The following HEPH variants were observed in gnomAD, a reference collection of about 807,000 sequenced individuals.
HEPH encodes the protein hephaestin.
HEPH carries 69 observed loss-of-function variants against 80.8 expected under a neutral mutation model. The observed-to-expected ratio is 0.85, with a 90% CI of 0.70 to 1.04. The LOEUF is 1.04. HEPH is among the 50% of genes least tolerant of loss of function. The pLI, the probability that HEPH is intolerant of heterozygous loss-of-function variation, is 0.00. For synonymous variants in HEPH, 431 were observed against 322.8 expected, an observed-to-expected ratio of 1.34 and a Z score of -3.60; for missense variants, 1,115 against 891.3, an observed-to-expected ratio of 1.25 and a Z score of -3.20.
At chrX:66,194,209 A>G (rs374914488) in intron 8 of HEPH, among the ~76,000 whole-genome samples, 1 of 111,803 alleles carries the variant, frequency 8.9e-6, no homozygotes, top group South Asian at 3.8e-4. Flanking sequence ...GGAAATTAAT[A>G]TAATGGACCA....
At position 66,203,361 on chromosome X, in the gene HEPH, C is replaced by T. The variant is rs147730802; in HGVS notation, c.2078-3C>T. The T allele has an allele frequency of 5.0e-6, 6 of 1,208,152 alleles. No individual in the cohort carries two copies. In the African/African-American group the frequency reaches 1.0e-4, roughly 21 times the overall value. Reference sequence around the variant, plus strand: ...CAGATTTTTCTCTCTGATCCTCCCTCAGGGACATTTGAGATTTATTGCCAG... The same window carrying T: ...CAGATTTTTCTCTCTGATCCTCCCTTAGGGACATTTGAGATTTATTGCCAG... On this transcript the variant is annotated splice_region_variant and splice_polypyrimidine_tract_variant and intron_variant, in intron 12 of 20. Coordinates refer to ENST00000343002, the MANE Select transcript of HEPH (RefSeq NM_001367233.3).
intron 20 of HEPH, 23 bp from the exon 21 acceptor site, chrX:66,266,417 C>T: frequency 1.8e-6 from 2 of 1,128,906 alleles, no homozygotes; most frequent in Non-Finnish European, 1.2e-6. Flanking sequence ...CCAGGATGCC[C>T]ATTTTTTTTT....
chrX:66,182,074 C>T (rs1321996703), intron 4 of HEPH, among the ~76,000 whole-genome samples: 109 of 103,353 alleles, frequency 1.1e-3, no homozygotes, highest in African/African-American at 3.8e-3. Context: ...TGTTTTGGTA[C>T]CAGTACCATG....
upstream of HEPH, chrX:66,164,241 C>T: frequency 1.3e-6 from 1 of 753,782 alleles, no homozygotes; most frequent in Non-Finnish European, 1.6e-6. Context: ...CCCAGAGGAA[C>T]AGGACATTCC....
At chrX:66,251,750 C>G (rs924842270) in intron 15 of HEPH, among the ~76,000 whole-genome samples, 6 of 110,987 alleles carry the variant, frequency 5.4e-5, no homozygotes, top group Admixed American at 3.9e-4. Flanking sequence ...GGAATGATCT[C>G]AATGTATTTA....
At chrX:66,193,419 A>G (rs2087916672) in intron 7 of HEPH, 83 bp from the exon 8 acceptor site, 3 of 610,737 alleles carry the variant, frequency 4.9e-6, no homozygotes, top group Admixed American at 8.4e-5. Context: ...ATAAAGATTC[A>G]TAACTTGGTG....
chrX:66,235,714 T>C (rs1186471733), intron 15 of HEPH, among the ~76,000 whole-genome samples: 1 of 112,172 alleles, frequency 8.9e-6, no homozygotes, highest in Non-Finnish European at 1.9e-5. Flanking sequence ...TTTAAAATAG[T>C]ATTTTCTATT....
chrX:66,236,416 T>A (rs780268457), intron 15 of HEPH, among the ~76,000 whole-genome samples: 2 of 112,001 alleles, frequency 1.8e-5, no homozygotes, highest in Non-Finnish European at 3.8e-5. Flanking sequence ...TGAATCCCAT[T>A]TATTGATGTG....
intron 15 of HEPH, among the ~76,000 whole-genome samples, chrX:66,223,224 G>A (rs2089726723): frequency 9.0e-6 from 1 of 111,658 alleles, no homozygotes; most frequent in Non-Finnish European, 1.9e-5. Flanking sequence ...AAGGAAAGTG[G>A]AAGATAAACG....
rs752578856 is a variant in HEPH at position 66,260,177 on chromosome X, C to A, written c.3114C>A (p.Asn1038Lys). Residue 1038 changes from asparagine (N) to lysine (K), a missense_variant, in exon 19 of 21, where the codon AAC (asparagine) becomes AAA (lysine). Asn to Lys is a moderately conservative substitution (Grantham distance 94). Transcript: ENST00000343002. ...TFEVVEMVASNPGTWLMHCHV... is the reference protein window; with the variant it reads ...TFEVVEMVASKPGTWLMHCHV... ...AGGTTGTGGAGATGGTGGCCAGCAA[C>A]CCTGGGACATGGCTGATGCACTGCC... is the stretch of plus-strand genomic sequence containing the variant. 2 of 1,207,208 alleles carry A rather than the reference C, an allele frequency of 1.7e-6. No homozygotes were observed. Among genetic ancestry groups the A allele is most frequent in the Admixed American group, 2.2e-5 (1 of 45,973 alleles).
At chrX:66,172,170 T>C (rs922159697) in intron 2 of HEPH, among the ~76,000 whole-genome samples, 185 bp from the exon 3 acceptor site, 4 of 112,520 alleles carry the variant, frequency 3.6e-5, no homozygotes, top group Non-Finnish European at 3.7e-5. Context: ...CAATTTCATA[T>C]GCTGATATTT....
At chrX:66,171,867 A>G (rs772518898) in intron 2 of HEPH, among the ~76,000 whole-genome samples, 15 of 111,696 alleles carry the variant, frequency 1.3e-4, no homozygotes, top group South Asian at 1.1e-3. Flanking sequence ...ATTCCATTTT[A>G]CAGATGGGCA....
intron 15 of HEPH, among the ~76,000 whole-genome samples, chrX:66,242,649 A>G (rs1569391954): frequency 8.9e-6 from 1 of 112,346 alleles, no homozygotes; most frequent in East Asian, 2.8e-4. Flanking sequence ...TCTATAAAGA[A>G]CTTAAACAAA....
chrX:66,172,917 G>T (rs1005700149), intron 3 of HEPH, among the ~76,000 whole-genome samples: 10 of 112,288 alleles, frequency 8.9e-5, no homozygotes, highest in Non-Finnish European at 1.9e-4. Flanking sequence ...TCTATGAAAA[G>T]AAAAGAGAAT....
In HEPH at chrX:66,218,462, A is replaced by T. The variant is rs183115508; in HGVS notation, c.2563+10216A>T. 5.3e-5 allele frequency among the ~76,000 whole-genome samples: 6 copies of T among 112,287 alleles called. No individual in the cohort carries two copies. The East Asian group carries it at 1.4e-3, about 26-fold the overall frequency. ...GAATGATCATTGGATCAACAATGAC[A>T]TCAAGATAGAAATTTAAAAAACCTT... is the stretch of plus-strand genomic sequence containing the variant. On this transcript the variant is annotated intron_variant, in intron 15 of 20. Transcript: ENST00000343002.
chrX:66,210,305 G>T (rs887382190), intron 15 of HEPH, among the ~76,000 whole-genome samples: 9 of 111,969 alleles, frequency 8.0e-5, no homozygotes, highest in African/African-American at 2.3e-4. Flanking sequence ...GATAAATTGG[G>T]GAAAGAAGCT....
chrX:66,217,573 T>C (rs1488745214), intron 15 of HEPH, among the ~76,000 whole-genome samples: 3 of 111,063 alleles, frequency 2.7e-5, no homozygotes, highest in South Asian at 7.6e-4. Context: ...TACACCAAAA[T>C]AGAACCTCCT....
Position 66,190,806 on chromosome X carries a change from A to G in HEPH, c.1063+868A>G, listed in dbSNP as rs191370465. On this transcript the variant is annotated intron_variant, in intron 6 of 20. Transcript: ENST00000343002. ...GTTTGACACAATAGGGGACAGTTAC[A>G]TGTACTCCATTATCCAGGGTATGTC... Among the ~76,000 whole-genome samples the G allele has an allele frequency of 6.1e-3, 680 of 111,753 alleles. 7 individuals carry two copies. Among genetic ancestry groups the G allele is most frequent in the African/African-American group, 0.021 (639 of 30,797 alleles).
intron 19 of HEPH, among the ~76,000 whole-genome samples, chrX:66,262,219 A>C (rs1290635288): frequency 8.9e-6 from 1 of 112,420 alleles, no homozygotes; most frequent in African/African-American, 3.2e-5. Context: ...TTTTGGAACA[A>C]GGTTTCTGAT....
Sources: allele counts gnomAD v4.1 joint callset (sites outside exome capture counted in the v4.1 genomes callset), GRCh38; gene constraint gnomAD v4.1.1; transcripts MANE v1.5; gene names NCBI Gene and HGNC (gene_info 2026-07-23, HGNC 2026-07-21).